ADGRF5: variants seen among roughly 807,000 people sequenced by gnomAD.
ADGRF5 encodes adhesion G protein-coupled receptor F5, also known as G-protein coupled receptor 116.
ADGRF5 carries 75 observed loss-of-function variants against 132.3 expected under a neutral mutation model. The ratio of observed to expected loss-of-function variants is 0.57; its 90% CI spans 0.47 to 0.69. The LOEUF is 0.69. Among genes scored for constraint, ADGRF5 ranks in the 30% least tolerant of loss-of-function variants. The pLI is 0.00. For synonymous variants in ADGRF5, 629 were observed against 597.6 expected, an observed-to-expected ratio of 1.05 and a Z score of -0.77; for missense variants, 1,516 against 1,630.6, an observed-to-expected ratio of 0.93 and a Z score of 1.21.
intron 6 of ADGRF5, 128 bp from the exon 7 acceptor site, chr6:46,882,235 T>A (rs775495521): frequency 2.9e-5 from 22 of 752,068 alleles, no homozygotes; most frequent in Non-Finnish European, 5.3e-5. Flanking sequence ...GTCTATTTTG[T>A]TAACTGTGGG....
chr6:46,855,865 C>T, intron 20 of ADGRF5, 109 bp downstream of exon 20: 2 of 700,426 alleles, frequency 2.9e-6, no homozygotes, highest in South Asian at 3.2e-5. Flanking sequence ...CAAAAGAGGA[C>T]ATTTCAGGTA....
intron 11 of ADGRF5, among the ~76,000 whole-genome samples, chr6:46,871,422 G>A (rs1057476078): frequency 7.2e-5 from 11 of 152,156 alleles, no homozygotes; most frequent in Non-Finnish European, 1.5e-5. Context: ...GGGTGTTGAG[G>A]AGTAGTAGGG....
upstream of ADGRF5, among the ~76,000 whole-genome samples, chr6:46,925,513 T>C (rs980264494): frequency 6.6e-6 from 1 of 152,072 alleles, no homozygotes. Context: ...TCCCAGCACT[T>C]TGGGAGGCCA....
At chr6:46,878,161 G>A (rs1772022185) in intron 10 of ADGRF5, 41 bp downstream of exon 10, 1 of 1,336,760 alleles carries the variant, frequency 7.5e-7, no homozygotes, top group African/African-American at 1.4e-5. Context: ...TGGCCAAGAG[G>A]CAAAAACCTA....
chr6:46,888,821 T>C (rs573288803), intron 3 of ADGRF5, among the ~76,000 whole-genome samples: 1 of 152,258 alleles, frequency 6.6e-6, no homozygotes, highest in African/African-American at 2.4e-5. Flanking sequence ...AGTGAGTCAG[T>C]GTTTCATCTG....
chr6:46,867,506 G>GT (rs1223711469), intron 12 of ADGRF5, among the ~76,000 whole-genome samples: 5 of 152,166 alleles, frequency 3.3e-5, no homozygotes, highest in African/African-American at 1.2e-4. Context: ...GAGGTGGGGA[G>GT]TTTTTTGACA....
At chr6:46,926,981 CAT>C (rs991896769) in intron 1 of ADGRF5, among the ~76,000 whole-genome samples, 6 of 152,082 alleles carry the variant, frequency 3.9e-5, no homozygotes, top group Non-Finnish European at 8.8e-5. Context: ...TGGCGGATAC[CAT>C]ATACTGCAGT....
chr6:46,906,900 A>T, intron 1 of ADGRF5, 114 bp from the exon 2 acceptor site: 2 of 658,514 alleles, frequency 3.0e-6, no homozygotes, highest in Admixed American at 2.8e-5. Flanking sequence ...TTCAAAAGAG[A>T]CACAAAAGGA....
intron 1 of ADGRF5, among the ~76,000 whole-genome samples, chr6:46,918,844 A>G (rs1379657167): frequency 6.6e-6 from 1 of 152,218 alleles, no homozygotes; most frequent in Non-Finnish European, 1.5e-5. Flanking sequence ...TGGCTTCATA[A>G]ACAGCCATTG....
intron 6 of ADGRF5, among the ~76,000 whole-genome samples, chr6:46,882,981 C>T (rs1217321555): frequency 6.6e-6 from 1 of 152,212 alleles, no homozygotes; most frequent in Non-Finnish European, 1.5e-5. Context: ...CATTGGGAAG[C>T]TCTGTTCCAA....
chr6:46,918,105 G>A (rs999259797), intron 1 of ADGRF5, among the ~76,000 whole-genome samples: 10 of 152,226 alleles, frequency 6.6e-5, no homozygotes, highest in African/African-American at 2.4e-4. Flanking sequence ...TTAGGAAGCC[G>A]GGAAGATTCC....
upstream of ADGRF5, among the ~76,000 whole-genome samples, chr6:46,922,830 G>A (rs923958916): frequency 6.6e-6 from 1 of 152,236 alleles, no homozygotes; most frequent in Non-Finnish European, 1.5e-5. Flanking sequence ...TCCTCATAGT[G>A]TCAAAGAAAG....
rs374513456 is a variant in ADGRF5, at chr6:46,879,929, G to C, written c.925C>G (p.Gln309Glu). The part of the protein sequence containing the change: ...SSNVSWRYEE[Q>E]QLEIQNSSRF... The stretch of plus-strand genomic sequence containing the variant: ...CTGCTGTTCTGGATTTCCAACTGCT[G>C]TTCTTCATAGCGCCAAGACACATTG... Residue 309 changes from glutamine (Q) to glutamate (E), a missense_variant, in exon 9 of 21, where the codon CAG (glutamine) becomes GAG (glutamate). This residue lies in a region of ADGRF5 where 945 missense variants were observed against 929.4 expected (regional missense o/e 1.02). Transcript: ENST00000283296. 3 of 1,613,774 alleles carry C rather than the reference G, an allele frequency of 1.9e-6. No homozygotes were observed. In the African/African-American group the frequency reaches 4.0e-5, roughly 22 times the overall value.
chr6:46,882,709 T>C (rs1239820200), intron 6 of ADGRF5, among the ~76,000 whole-genome samples: 1 of 152,212 alleles, frequency 6.6e-6, no homozygotes, highest in Non-Finnish European at 1.5e-5. Flanking sequence ...TAATTTAGTG[T>C]AGTGTGTGTG....
chr6:46,932,879 A>G (rs1382837242), intron 1 of ADGRF5, among the ~76,000 whole-genome samples: 1 of 152,216 alleles, frequency 6.6e-6, no homozygotes, highest in Admixed American at 6.5e-5. Flanking sequence ...TTTCAAGAAT[A>G]CATAATATGT....
chr6:46,953,025 AG>A (rs1161415328), intron 1 of ADGRF5, among the ~76,000 whole-genome samples: 6 of 152,232 alleles, frequency 3.9e-5, no homozygotes, highest in African/African-American at 1.4e-4. Flanking sequence ...GGCAGGCATT[AG>A]AGCATTCAAA....
intron 1 of ADGRF5, among the ~76,000 whole-genome samples, chr6:46,943,785 CT>C (rs1778191435): frequency 6.6e-6 from 1 of 152,174 alleles, no homozygotes; most frequent in African/African-American, 2.4e-5. Context: ...CCATATTATG[CT>C]TCAAGATAGG....
At chr6:46,856,947 A>G (rs1769124416) in intron 17 of ADGRF5, 39 bp from the exon 18 acceptor site, 1 of 1,488,266 alleles carries the variant, frequency 6.7e-7, no homozygotes, top group Non-Finnish European at 9.4e-7. Flanking sequence ...CATTTTAATT[A>G]TAGTCTATTG....
At chr6:46,927,114 C>T (rs1206371342) in intron 1 of ADGRF5, among the ~76,000 whole-genome samples, 3 of 152,122 alleles carry the variant, frequency 2.0e-5, no homozygotes, top group African/African-American at 7.2e-5. Flanking sequence ...AGTGCTTCAA[C>T]ATTTCCTTTG....
Sources: allele counts gnomAD v4.1 joint callset (sites outside exome capture counted in the v4.1 genomes callset), GRCh38; gene constraint gnomAD v4.1.1; regional missense constraint gnomAD v4.1.1; transcripts MANE v1.5; gene names NCBI Gene and HGNC (gene_info 2026-07-23, HGNC 2026-07-21).